The following ASCC1 variants were observed in gnomAD, a reference collection of about 807,000 sequenced individuals.
ASCC1 encodes the protein ASC-1 complex subunit P50.
Under a neutral mutation model 46.6 loss-of-function variants are expected in ASCC1, and 35 were observed. The observed-to-expected ratio is 0.75, with a 90% CI of 0.57 to 0.99. The LOEUF is 0.99. ASCC1 is among the 50% of genes least tolerant of loss of function. The pLI, the probability that ASCC1 is intolerant of heterozygous loss-of-function variation, is 0.00. For synonymous variants in ASCC1, 143 were observed against 146.6 expected, an observed-to-expected ratio of 0.98 and a Z score of 0.18; for missense variants, 376 against 428.7, an observed-to-expected ratio of 0.88 and a Z score of 1.09.
At chr10:72,151,793 A>T (rs1848370696) in intron 7 of ASCC1, among the ~76,000 whole-genome samples, 1 of 147,802 alleles carries the variant, frequency 6.8e-6, no homozygotes, top group South Asian at 2.1e-4. Context: ...GGTTCAAGTG[A>T]TTCTCCTGCC....
intron 8 of ASCC1, among the ~76,000 whole-genome samples, chr10:72,132,498 C>T (rs753100048): frequency 1.3e-5 from 2 of 152,176 alleles, no homozygotes; most frequent in East Asian, 1.9e-4. Flanking sequence ...CTCTGTGCTA[C>T]GACATTTTGG....
intron 4 of ASCC1, chr10:72,198,709 A>G (rs867650633): frequency 8.8e-6 from 4 of 455,890 alleles, no homozygotes; most frequent in Non-Finnish European, 1.8e-5. Context: ...CAGAGCAAAT[A>G]TCACACGAAT....
At chr10:72,204,623 A>G in intron 3 of ASCC1, 1 of 1,320,628 alleles carries the variant, frequency 7.6e-7, no homozygotes, top group African/African-American at 1.5e-5. Flanking sequence ...GACTTCAATT[A>G]CAGTACCCAA....
At chr10:72,176,766 CTCTT>C (rs1340705333) in intron 5 of ASCC1, among the ~76,000 whole-genome samples, 15 of 152,080 alleles carry the variant, frequency 9.9e-5, no homozygotes, top group Non-Finnish European at 2.9e-5. Context: ...CTTACTCTAC[CTCTT>C]TCTAAGTACC....
intron 5 of ASCC1, among the ~76,000 whole-genome samples, chr10:72,183,620 G>A (rs1480857954): frequency 3.3e-5 from 5 of 152,006 alleles, no homozygotes; most frequent in Non-Finnish European, 5.9e-5. Context: ...CTGCACTTCA[G>A]CCTGAGTATC....
intron 9 of ASCC1, among the ~76,000 whole-genome samples, chr10:72,102,006 G>A (rs1245643083): frequency 2.0e-5 from 3 of 152,034 alleles, no homozygotes; most frequent in East Asian, 3.9e-4. Context: ...GAGGGAGGAG[G>A]GAGAGAAGCA....
intron 6 of ASCC1, among the ~76,000 whole-genome samples, chr10:72,155,910 T>C (rs1440275532): frequency 2.6e-5 from 4 of 152,200 alleles, no homozygotes; most frequent in Non-Finnish European, 5.9e-5. Flanking sequence ...TTATACAAAA[T>C]GGGTGTTCAA....
intron 7 of ASCC1, among the ~76,000 whole-genome samples, chr10:72,134,838 C>T (rs1026916376): frequency 6.6e-6 from 1 of 152,096 alleles, no homozygotes; most frequent in African/African-American, 2.4e-5. Context: ...AAGGAATAAC[C>T]GTACAGTACA....
chr10:72,127,679 T>TTTTTCC (rs1554827509), intron 9 of ASCC1, among the ~76,000 whole-genome samples: 25 of 150,188 alleles, frequency 1.7e-4, no homozygotes, highest in Admixed American at 7.3e-4. Context: ...TTTTTTTTTT[T>TTTTTCC]CCTAAGTGTT....
At chr10:72,138,889 C>T (rs1846610304) in intron 7 of ASCC1, among the ~76,000 whole-genome samples, 1 of 151,818 alleles carries the variant, frequency 6.6e-6, no homozygotes, top group Non-Finnish European at 1.5e-5. Context: ...ATTCACTGTG[C>T]ACTCCACGAA....
chr10:72,115,661 T>A (rs553540696), intron 9 of ASCC1, among the ~76,000 whole-genome samples: 10 of 152,246 alleles, frequency 6.6e-5, no homozygotes, highest in African/African-American at 2.4e-4. Context: ...TAAAAGTAGG[T>A]CAAGGCACTG....
intron 6 of ASCC1, among the ~76,000 whole-genome samples, chr10:72,159,612 C>T (rs1471897961): frequency 6.6e-6 from 1 of 151,978 alleles, no homozygotes; most frequent in Non-Finnish European, 1.5e-5. Flanking sequence ...GTAAAACTGC[C>T]CTGCTTTGTA....
chr10:72,107,050 C>A (rs986380794), intron 9 of ASCC1, among the ~76,000 whole-genome samples: 10 of 152,092 alleles, frequency 6.6e-5, no homozygotes, highest in Admixed American at 6.5e-4. Context: ...TTGGAAGATC[C>A]CAATTGCAAA....
intron 5 of ASCC1, among the ~76,000 whole-genome samples, chr10:72,187,339 C>T (rs918348021): frequency 2.7e-5 from 4 of 150,444 alleles, no homozygotes; most frequent in African/African-American, 9.8e-5. Context: ...CACAGTGGCT[C>T]ACGCCTGTAA....
At chr10:72,172,883 T>A (rs1373350148) in intron 5 of ASCC1, among the ~76,000 whole-genome samples, 3 of 133,380 alleles carry the variant, frequency 2.2e-5, no homozygotes, top group Non-Finnish European at 4.7e-5. Flanking sequence ...TATATTATAT[T>A]TTTATATTAT....
At chr10:72,172,758 T>C (rs1265860977) in intron 5 of ASCC1, among the ~76,000 whole-genome samples, 1 of 106,562 alleles carries the variant, frequency 9.4e-6, no homozygotes, top group Non-Finnish European at 2.2e-5. Context: ...TATATATTTT[T>C]ATATTATATA....
At chr10:72,147,535 G>A (rs1206327666) in intron 7 of ASCC1, among the ~76,000 whole-genome samples, 1 of 152,184 alleles carries the variant, frequency 6.6e-6, no homozygotes, top group Admixed American at 6.5e-5. Context: ...TTACAGGCAT[G>A]AGCCACTGTG....
chr10:72,195,563 AT>A (rs900697146), intron 5 of ASCC1, among the ~76,000 whole-genome samples: 82 of 144,526 alleles, frequency 5.7e-4, no homozygotes, highest in Admixed American at 1.5e-3. Context: ...TATTTTATTT[AT>A]TTTTTTTTTG....
intron 3 of ASCC1, among the ~76,000 whole-genome samples, chr10:72,205,554 C>T (rs1309753371): frequency 1.3e-5 from 2 of 150,136 alleles, no homozygotes; most frequent in Non-Finnish European, 3.0e-5. Flanking sequence ...TGCTTGAACT[C>T]GGGAGGCAGA....
Sources: gnomAD v4.1 joint callset for allele counts (sites outside exome capture counted in the v4.1 genomes callset) on GRCh38, gnomAD v4.1.1 for gene constraint, MANE v1.5 for transcripts, NCBI Gene and HGNC (gene_info 2026-07-23, HGNC 2026-07-21) for gene names.